The following VPS53 variants were observed in gnomAD, a reference collection of about 807,000 sequenced individuals.
The protein encoded by VPS53 is vacuolar protein sorting-associated protein 53 homolog.
VPS53 carries 70 observed loss-of-function variants against 107.0 expected under a neutral mutation model. The ratio of observed to expected loss-of-function variants is 0.65; its 90% CI spans 0.54 to 0.80. VPS53 has a LOEUF of 0.80. VPS53 is among the 30% of genes least tolerant of loss of function. The pLI is 0.00. For synonymous variants in VPS53, 409 were observed against 393.3 expected (o/e 1.04, Z -0.47); for missense variants, 917 against 1,049.4 (o/e 0.87, Z 1.74).
intron 7 of VPS53, among the ~76,000 whole-genome samples, chr17:642,681 T>A (rs1382625960): frequency 1.3e-5 from 2 of 150,478 alleles, no homozygotes; most frequent in Admixed American, 1.3e-4. Context: ...ACACTCATAC[T>A]TGGCAACCGA....
intron 4 of VPS53, among the ~76,000 whole-genome samples, chr17:678,854 T>C (rs917070605): frequency 1.3e-5 from 2 of 151,998 alleles, no homozygotes; most frequent in Non-Finnish European, 2.9e-5. Context: ...TTAGCCAGGA[T>C]GGTCTCGATC....
chr17:611,693 G>C (rs1460958115), intron 11 of VPS53, among the ~76,000 whole-genome samples: 5 of 152,354 alleles, frequency 3.3e-5, no homozygotes, highest in East Asian at 1.9e-4. Flanking sequence ...TATTCACATA[G>C]TGAGTTCACA....
chr17:540,861 G>A (rs570240849), intron 17 of VPS53, among the ~76,000 whole-genome samples: 1 of 152,264 alleles, frequency 6.6e-6, no homozygotes, highest in South Asian at 2.1e-4. Flanking sequence ...GGAAGTATGT[G>A]CTCTGACTGA....
intron 2 of VPS53, among the ~76,000 whole-genome samples, chr17:702,078 G>A (rs1293688155): frequency 6.6e-6 from 1 of 152,134 alleles, no homozygotes; most frequent in Non-Finnish European, 1.5e-5. Context: ...AAAAAGAACA[G>A]AGGCCGGGTG....
chr17:640,777 G>A (rs1970394259), intron 7 of VPS53, among the ~76,000 whole-genome samples: 2 of 152,078 alleles, frequency 1.3e-5, no homozygotes, highest in African/African-American at 4.8e-5. Flanking sequence ...TTTACAGGTG[G>A]CTAGAGGTTA....
chr17:630,148 G>C (rs1969892794), intron 8 of VPS53, among the ~76,000 whole-genome samples: 1 of 152,066 alleles, frequency 6.6e-6, no homozygotes. Context: ...ACAAAAATTA[G>C]CCAGGTGTGG....
At chr17:567,888 AAGGGG>A (rs551117016) in intron 13 of VPS53, among the ~76,000 whole-genome samples, 129 of 144,454 alleles carry the variant, frequency 8.9e-4, no homozygotes, top group African/African-American at 2.4e-3. Context: ...GACATTGTCG[AAGGGG>A]AGGGGAGGGG....
chr17:699,281 T>C, intron 3 of VPS53, 50 bp downstream of exon 3: 1 of 1,409,578 alleles, frequency 7.1e-7, no homozygotes, highest in East Asian at 2.7e-5. Context: ...ATTAACTAAA[T>C]TAACAATATA....
At chr17:625,140 C>T (rs1163237417) in intron 10 of VPS53, among the ~76,000 whole-genome samples, 1 of 151,956 alleles carries the variant, frequency 6.6e-6, no homozygotes, top group Non-Finnish European at 1.5e-5. Flanking sequence ...AGGTGCTTGC[C>T]ACCATGACCA....
chr17:623,763 A>G, intron 10 of VPS53, 89 bp from the exon 11 acceptor site: 1 of 1,372,098 alleles, frequency 7.3e-7, no homozygotes, highest in Non-Finnish European at 9.7e-7. Context: ...TATATTCAGA[A>G]AAAAAAAATG....
intron 1 of VPS53, 185 bp downstream of exon 1, chr17:714,438 G>A (rs1391122190): frequency 3.3e-6 from 2 of 603,758 alleles, no homozygotes; most frequent in South Asian, 2.0e-5. Flanking sequence ...AGCCTAGAAA[G>A]GGTTCTCTTT....
chr17:691,632 G>A (rs1972777376), intron 4 of VPS53, among the ~76,000 whole-genome samples: 1 of 152,112 alleles, frequency 6.6e-6, no homozygotes, highest in Non-Finnish European at 1.5e-5. Context: ...TTTAAATTAT[G>A]CGCCATTCTG....
intron 18 of VPS53, among the ~76,000 whole-genome samples, chr17:535,726 G>A (rs1910002965): frequency 6.6e-6 from 1 of 152,192 alleles, no homozygotes. Context: ...AGCACCCAGA[G>A]AGTGAGGGAA....
chr17:634,552 C>A (rs1409314257), intron 7 of VPS53, among the ~76,000 whole-genome samples: 1 of 124,774 alleles, frequency 8.0e-6, no homozygotes. Context: ...CCCCTCCCCC[C>A]ACCCCACAAC....
intron 17 of VPS53, among the ~76,000 whole-genome samples, chr17:547,722 C>T (rs867046937): frequency 6.6e-5 from 10 of 152,200 alleles, no homozygotes; most frequent in South Asian, 2.1e-4. Context: ...ACTACAACCT[C>T]GGCCTCCCAG....
At chr17:600,255 T>C (rs1263973300) in intron 12 of VPS53, among the ~76,000 whole-genome samples, 2 of 152,128 alleles carry the variant, frequency 1.3e-5, no homozygotes, top group African/African-American at 4.8e-5. Context: ...AGCATCTGAG[T>C]GTTTAACTGC....
At chr17:680,715 T>C (rs1196922226) in intron 4 of VPS53, among the ~76,000 whole-genome samples, 1 of 152,230 alleles carries the variant, frequency 6.6e-6, no homozygotes, top group South Asian at 2.1e-4. Context: ...TTTTGCTTTT[T>C]TCATTGTGTA....
rs992852970 is a variant in VPS53 at position 538,283 on chromosome 17, T to C, written c.1867-1107A>G. Reference sequence around the variant, plus strand: ...GCATTCTAATCCCGAAGAGTGGGAATGGTCTGGAGGGTTCTGCTGAGTCAG... The same window carrying C: ...GCATTCTAATCCCGAAGAGTGGGAACGGTCTGGAGGGTTCTGCTGAGTCAG... On this transcript the variant is annotated intron_variant, in intron 17 of 21. Transcript: ENST00000437048. 2.0e-5 allele frequency: 3 copies of C among 152,300 alleles called. No individual in the cohort carries two copies. In the South Asian group the frequency reaches 6.2e-4, roughly 32 times the overall value. The allele number at this position is 152,300 out of a possible 1,614,324, so 9.4% of individuals were successfully genotyped here.
intron 11 of VPS53, among the ~76,000 whole-genome samples, chr17:610,172 CACACACAA>C (rs1323361986): frequency 1.7e-4 from 14 of 84,202 alleles, no homozygotes; most frequent in African/African-American, 5.2e-4. Context: ...CACACACACA[CACACACAA>C]ATTAGTAGAC....
Sources: gnomAD v4.1 joint callset for allele counts (sites outside exome capture counted in the v4.1 genomes callset) on GRCh38, gnomAD v4.1.1 for gene constraint, MANE v1.5 for transcripts, NCBI Gene and HGNC (gene_info 2026-07-23, HGNC 2026-07-21) for gene names.